GRIK2: variants seen among roughly 807,000 people sequenced by gnomAD.
The protein encoded by GRIK2 is glutamate ionotropic receptor kainate type subunit 2.
A neutral mutation model predicts 100.3 loss-of-function variants in GRIK2; 32 were observed. The ratio of observed to expected loss-of-function variants is 0.32; its 90% CI spans 0.24 to 0.43. The LOEUF is 0.43. Among genes scored for constraint, GRIK2 ranks in the 20% least tolerant of loss-of-function variants. The pLI, the probability that GRIK2 is intolerant of heterozygous loss-of-function variation, is 1.00. For synonymous variants in GRIK2, 417 were observed against 389.4 expected (o/e 1.07, Z -0.83); for missense variants, 843 against 1,114.9 (o/e 0.76, Z 3.47).
intron 14 of GRIK2, among the ~76,000 whole-genome samples, chr6:102,031,117 ACACACACACACCCC>A (rs1769970169): frequency 7.6e-6 from 1 of 130,760 alleles, no homozygotes; most frequent in East Asian, 3.9e-4. Context: ...ACACACACAC[ACACACACACACCCC>A]CTTTGAGTTT....
At chr6:101,937,330 T>C (rs1790678830) in intron 14 of GRIK2, among the ~76,000 whole-genome samples, 1 of 152,142 alleles carries the variant, frequency 6.6e-6, no homozygotes, top group Admixed American at 6.6e-5. Flanking sequence ...GCTCAAACAC[T>C]GTGTCCCAAC....
intron 7 of GRIK2, among the ~76,000 whole-genome samples, chr6:101,768,326 A>G (rs2128395735): frequency 6.6e-6 from 1 of 152,292 alleles, no homozygotes; most frequent in Non-Finnish European, 1.5e-5. Context: ...CCATGGAATA[A>G]GTTTCTCAAG....
chr6:101,743,106 T>G (rs1489432349), intron 7 of GRIK2, among the ~76,000 whole-genome samples: 1 of 152,106 alleles, frequency 6.6e-6, no homozygotes, highest in Admixed American at 6.5e-5. Flanking sequence ...AGGGTGGAGT[T>G]TTTAGTCCCT....
intron 7 of GRIK2, among the ~76,000 whole-genome samples, chr6:101,708,551 T>A (rs17062368): frequency 1.3e-5 from 2 of 151,722 alleles, no homozygotes; most frequent in African/African-American, 4.8e-5. Context: ...AAAATTTACC[T>A]TCTTTTAAAA....
rs1771372928 is a variant in GRIK2 at position 101,682,757 on chromosome 6, G to A, written c.777+151G>A. On this transcript the variant is annotated intron_variant, in intron 6 of 16. Coordinates refer to ENST00000369134, the MANE Select transcript of GRIK2 (RefSeq NM_021956.5). ...ACTCCACCAAAATTATTATCAGAGA[G>A]GACAACTCTTAATAGAAGCTGATGA... 2.7e-5 allele frequency: 13 copies of A among 488,828 alleles called. No individual in the cohort carries two copies. In the South Asian group the frequency reaches 4.3e-4, roughly 16 times the overall value. 30.3% of individuals were successfully genotyped at this position (488,828 alleles called of 1,614,324 possible). A position where few individuals can be genotyped will look rare whatever the true frequency, so the allele number is the denominator to read the frequency against.
At chr6:101,934,187 C>T (rs894167359) in intron 14 of GRIK2, among the ~76,000 whole-genome samples, 1 of 151,796 alleles carries the variant, frequency 6.6e-6, no homozygotes, top group African/African-American at 2.4e-5. Flanking sequence ...ACGGCTATAA[C>T]CAAGGAATGC....
intron 4 of GRIK2, among the ~76,000 whole-genome samples, chr6:101,627,503 C>T (rs141001170): frequency 1.0e-3 from 152 of 152,204 alleles, no homozygotes; most frequent in Non-Finnish European, 1.7e-3. Context: ...TTTCTCAAGG[C>T]AAAGCCTTGT....
At chr6:101,681,431 T>C (rs2128342015) in intron 5 of GRIK2, among the ~76,000 whole-genome samples, 1 of 136,984 alleles carries the variant, frequency 7.3e-6, no homozygotes, top group African/African-American at 2.7e-5. Context: ...TTTGTAGAGA[T>C]GGGGTCTTGT....
At chr6:102,028,229 A>G (rs116957163) in intron 14 of GRIK2, among the ~76,000 whole-genome samples, 1,822 of 151,256 alleles carry the variant, frequency 0.012, 30 homozygotes, top group South Asian at 0.025. Flanking sequence ...TCATTTGGCA[A>G]TTGTGAATTT....
intron 15 of GRIK2, among the ~76,000 whole-genome samples, chr6:102,036,234 C>A (rs9498818): frequency 4.8e-3 from 527 of 109,990 alleles, no homozygotes; most frequent in African/African-American, 0.011. Context: ...TAAGTAAACA[C>A]ACACACACAC....
chr6:102,041,443 A>C (rs976023790), intron 15 of GRIK2, among the ~76,000 whole-genome samples: 1 of 151,544 alleles, frequency 6.6e-6, no homozygotes, highest in South Asian at 2.1e-4. Flanking sequence ...ATGAGGAGTC[A>C]CTCTTATTAG....
At chr6:101,409,525 G>T (rs937109287) in intron 2 of GRIK2, among the ~76,000 whole-genome samples, 12 of 152,028 alleles carry the variant, frequency 7.9e-5, no homozygotes, top group Non-Finnish European at 1.6e-4. Context: ...TAGTAGAATA[G>T]ATTTATTTTT....
intron 2 of GRIK2, among the ~76,000 whole-genome samples, chr6:101,607,396 A>G (rs1779485151): frequency 6.6e-6 from 1 of 152,016 alleles, no homozygotes; most frequent in South Asian, 2.1e-4. Context: ...GAAATGGTGA[A>G]TGAGAGTAGA....
At chr6:101,698,256 A>T (rs1333193220) in intron 7 of GRIK2, among the ~76,000 whole-genome samples, 1 of 152,098 alleles carries the variant, frequency 6.6e-6, no homozygotes. Flanking sequence ...TTTGTGATAT[A>T]AAGGCCTAAG....
chr6:101,603,258 CA>C (rs1273152258), intron 2 of GRIK2, among the ~76,000 whole-genome samples: 9 of 151,488 alleles, frequency 5.9e-5, no homozygotes, highest in Admixed American at 5.3e-4. Flanking sequence ...GACATCAAGC[CA>C]AAGGGGATAT....
chr6:102,032,000 T>C (rs958073804), intron 14 of GRIK2, among the ~76,000 whole-genome samples: 1 of 151,268 alleles, frequency 6.6e-6, no homozygotes, highest in Non-Finnish European at 1.5e-5. Flanking sequence ...TAAAGGATGG[T>C]TTGGGAGTTT....
intron 2 of GRIK2, among the ~76,000 whole-genome samples, chr6:101,595,698 A>ATGTGTGTGTGTG (rs200462444): frequency 1.5e-5 from 2 of 136,722 alleles, no homozygotes; most frequent in Non-Finnish European, 3.1e-5. Flanking sequence ...GTATATATAT[A>ATGTGTGTGTGTG]TGTGTGTGTG....
intron 7 of GRIK2, among the ~76,000 whole-genome samples, chr6:101,705,243 G>T (rs780900683): frequency 1.3e-5 from 2 of 151,164 alleles, no homozygotes; most frequent in Non-Finnish European, 3.0e-5. Context: ...GCCTTGTCTT[G>T]CTTGCTTAGT....
rs200296180 is a variant in GRIK2, at chr6:101,799,790, A to C, written c.1094A>C (p.Glu365Ala). The change falls in exon 8 of 17, where the codon GAG becomes GCG. Residue 365 changes from glutamate to alanine, a missense_variant and splice_region_variant. Physicochemically the swap from Glu to Ala is moderately radical, Grantham distance 107 (BLOSUM62 -1). Coordinates refer to ENST00000369134, the MANE Select transcript of GRIK2 (RefSeq NM_021956.5). ...FGTRFMSLIK[E>A]AHWEGLTGRI... is the part of the protein sequence containing the mutation. Reference sequence around the variant, plus strand: ...ACCCGCTTTATGAGTCTAATTAAAGAGGTAAGTTAGGAGAAGAACATCTGC... The same window carrying C: ...ACCCGCTTTATGAGTCTAATTAAAGCGGTAAGTTAGGAGAAGAACATCTGC... The C allele has an allele frequency of 1.2e-6, 2 of 1,611,006 alleles. No homozygotes were observed. The highest frequency in any genetic ancestry group is 1.7e-6 in the Non-Finnish European group (2 of 1,177,588).
Sources: gnomAD v4.1 joint callset for allele counts (sites outside exome capture counted in the v4.1 genomes callset) on GRCh38, gnomAD v4.1.1 for gene constraint, MANE v1.5 for transcripts, NCBI Gene and HGNC (gene_info 2026-07-23, HGNC 2026-07-21) for gene names.